RBFOX1: variants seen among roughly 807,000 people sequenced by gnomAD.
RBFOX1 encodes the protein RNA binding fox-1 homolog 1.
In RBFOX1, 8 loss-of-function variants were observed where a neutral mutation model predicts 57.7. That is an observed-to-expected ratio of 0.14 (90% CI 0.08 to 0.25). RBFOX1 has a LOEUF of 0.25. Ranked by LOEUF, RBFOX1 falls within the 10% of genes least tolerant of loss-of-function variation. The pLI is 1.00. For missense variants in RBFOX1, 611 were observed against 548.5 expected, an observed-to-expected ratio of 1.11 and a Z score of -1.14; for synonymous variants, 326 against 222.4, an observed-to-expected ratio of 1.47 and a Z score of -4.15.
At chr16:7,602,524 A>G (rs2141045955) in intron 9 of RBFOX1, among the ~76,000 whole-genome samples, 1 of 152,302 alleles carries the variant, frequency 6.6e-6, no homozygotes, top group East Asian at 1.9e-4. Flanking sequence ...TGCCTAAGAA[A>G]TTAAAAAGGG....
At chr16:7,138,209 C>T (rs1008634904) in intron 4 of RBFOX1, among the ~76,000 whole-genome samples, 4 of 151,784 alleles carry the variant, frequency 2.6e-5, no homozygotes, top group Admixed American at 6.6e-5. Flanking sequence ...ATGAGGATGG[C>T]GAAAGGAATA....
chr16:6,838,726 C>G (rs1009201855), intron 3 of RBFOX1, among the ~76,000 whole-genome samples: 7 of 152,138 alleles, frequency 4.6e-5, no homozygotes, highest in East Asian at 1.9e-4. Flanking sequence ...CGTCCTGCAT[C>G]GGTAATACAT....
intron 14 of RBFOX1, among the ~76,000 whole-genome samples, chr16:7,699,322 G>C (rs2079871491): frequency 1.3e-5 from 2 of 152,094 alleles, no homozygotes; most frequent in African/African-American, 4.8e-5. Flanking sequence ...CTCCCTAGTA[G>C]CTGGGAGTAC....
intron 1 of RBFOX1, among the ~76,000 whole-genome samples, chr16:5,266,582 C>G (rs1400734107): frequency 2.4e-5 from 3 of 125,320 alleles, no homozygotes; most frequent in Non-Finnish European, 3.2e-5. Context: ...GGATCTTTCT[C>G]TGTCACCCAG....
intron 3 of RBFOX1, among the ~76,000 whole-genome samples, chr16:6,762,535 C>T (rs192470589): frequency 1.0e-3 from 156 of 152,196 alleles, no homozygotes; most frequent in Non-Finnish European, 1.7e-3. Flanking sequence ...TATACGCCCA[C>T]GGTCGTTATG....
intron 4 of RBFOX1, among the ~76,000 whole-genome samples, chr16:7,161,272 C>G (rs894338849): frequency 6.6e-6 from 1 of 151,490 alleles, no homozygotes; most frequent in Non-Finnish European, 1.5e-5. Flanking sequence ...CTGCTGTGAC[C>G]ATGAGATAGG....
intron 3 of RBFOX1, among the ~76,000 whole-genome samples, chr16:6,810,520 C>T (rs2088226434): frequency 1.3e-5 from 2 of 151,984 alleles, no homozygotes; most frequent in Admixed American, 1.3e-4. Flanking sequence ...CCCCATATGC[C>T]CCTCCAAAAA....
intron 2 of RBFOX1, among the ~76,000 whole-genome samples, chr16:5,545,926 G>A (rs184515091): frequency 1.1e-4 from 16 of 152,180 alleles, no homozygotes; most frequent in African/African-American, 2.6e-4. Flanking sequence ...ATAAAATCCA[G>A]TGAGATCTAA....
chr16:6,317,518 C>T (rs1268006345), intron 2 of RBFOX1, among the ~76,000 whole-genome samples: 1 of 150,172 alleles, frequency 6.7e-6, no homozygotes, highest in Non-Finnish European at 1.5e-5. Context: ...AGCTGGAATA[C>T]ATGACTATGA....
chr16:6,551,483 C>G (rs1022576758), intron 2 of RBFOX1, among the ~76,000 whole-genome samples: 2 of 152,206 alleles, frequency 1.3e-5, no homozygotes, highest in African/African-American at 4.8e-5. Context: ...AACCATTTAG[C>G]AAATGACAGC....
chr16:5,800,006 T>C (rs2151750832), intron 3 of RBFOX1, among the ~76,000 whole-genome samples: 1 of 152,238 alleles, frequency 6.6e-6, no homozygotes, highest in East Asian at 1.9e-4. Flanking sequence ...TATTTGCATG[T>C]TCCATTTCTC....
chr16:6,924,196 C>CATAATAAT (rs1567902723), intron 3 of RBFOX1, among the ~76,000 whole-genome samples: 25 of 126,448 alleles, frequency 2.0e-4, no homozygotes, highest in African/African-American at 7.1e-4. Flanking sequence ...ATAATAATAG[C>CATAATAAT]AATAATGCCA....
chr16:6,100,163 T>G (rs1424229556), intron 1 of RBFOX1, among the ~76,000 whole-genome samples: 4 of 151,360 alleles, frequency 2.6e-5, no homozygotes, highest in Admixed American at 2.0e-4. Context: ...TTGTTTTTTT[T>G]TGTTGTTGTT....
chr16:7,217,280 T>C (rs948153392), intron 4 of RBFOX1, among the ~76,000 whole-genome samples: 12 of 126,330 alleles, frequency 9.5e-5, no homozygotes, highest in African/African-American at 3.8e-4. Flanking sequence ...TATCTTTTTT[T>C]TTCTTATTCT....
chr16:6,951,306 C>T (rs964679585), intron 3 of RBFOX1, among the ~76,000 whole-genome samples: 2 of 152,154 alleles, frequency 1.3e-5, no homozygotes, highest in African/African-American at 2.4e-5. Context: ...TGTCTGTAGG[C>T]TGGATACTGG....
chr16:6,495,558 A>G (rs1367044119), intron 2 of RBFOX1, among the ~76,000 whole-genome samples: 1 of 152,224 alleles, frequency 6.6e-6, no homozygotes, highest in Non-Finnish European at 1.5e-5. Context: ...GAAATAATAA[A>G]TGAAACTGGG....
intron 3 of RBFOX1, among the ~76,000 whole-genome samples, chr16:5,680,390 G>A (rs908848954): frequency 6.6e-6 from 1 of 152,150 alleles, no homozygotes; most frequent in Admixed American, 6.5e-5. Flanking sequence ...TCTTTTCACG[G>A]ATATGGATCC....
At chr16:5,384,198 A>C (rs968046215) in intron 1 of RBFOX1, among the ~76,000 whole-genome samples, 2 of 152,216 alleles carry the variant, frequency 1.3e-5, no homozygotes, top group Non-Finnish European at 2.9e-5. Context: ...GACTGGCCAC[A>C]CATGGGTACA....
intron 10 of RBFOX1, among the ~76,000 whole-genome samples, chr16:7,610,117 C>CATTTTTTTTTTTTTTTTTTT: frequency 2.1e-5 from 1 of 47,800 alleles, no homozygotes; most frequent in Non-Finnish European, 4.1e-5. Flanking sequence ...CGCCCGGCCC[C>CATTTTTTTTTTTTTTTTTTT]CTTTTTTTTT....
Sources: gnomAD v4.1 joint callset for allele counts (sites outside exome capture counted in the v4.1 genomes callset) on GRCh38, gnomAD v4.1.1 for gene constraint, MANE v1.5 for transcripts, NCBI Gene and HGNC (gene_info 2026-07-23, HGNC 2026-07-21) for gene names.